The following B9D2 variants were observed in gnomAD, a reference collection of about 807,000 sequenced individuals.
The protein encoded by B9D2 is B9 domain containing 2, also known as B9 domain-containing protein 2.
B9D2 carries 21 observed loss-of-function variants against 19.2 expected under a neutral mutation model. That is an observed-to-expected ratio of 1.09 (90% CI 0.78 to 1.58). The LOEUF (loss-of-function observed/expected upper bound fraction) is 1.58, where lower values mean the gene tolerates loss of function less well. B9D2 is among the 40% of genes most tolerant of loss of function. The probability of loss-of-function intolerance (pLI) is 0.00; values close to 1 mark genes in which losing one functional copy is unlikely to be tolerated. For missense variants in B9D2, 221 were observed against 244.3 expected, an observed-to-expected ratio of 0.90 and a Z score of 0.64; for synonymous variants, 91 against 100.6, an observed-to-expected ratio of 0.90 and a Z score of 0.57.
At chr19:41,361,967 C>G (rs2038409868) in intron 2 of B9D2, among the ~76,000 whole-genome samples, 1 of 71,620 alleles carries the variant, frequency 1.4e-5, no homozygotes, top group Non-Finnish European at 3.0e-5. Flanking sequence ...GTAGTCCCAG[C>G]CACTCGGGAG....
rs2038276543 is a variant in B9D2 at position 41,354,695 on chromosome 19, G to A, written c.*5C>T. 1.9e-6 allele frequency: 3 copies of A among 1,613,880 alleles called. No homozygotes were observed. The highest frequency in any genetic ancestry group is 1.1e-5 in the South Asian group (1 of 91,092). ...GGATGGTGGTGACGTTGGAGGCAGA[G>A]TCCCTCAGCACTCCACGCCGTAGCG... On this transcript the variant is annotated 3_prime_UTR_variant, in exon 4 of 4. Transcript: ENST00000243578.
chr19:41,361,732 G>A (rs367961739), intron 2 of B9D2, among the ~76,000 whole-genome samples: 1,130 of 67,134 alleles, frequency 0.017, 77 homozygotes, highest in African/African-American at 0.067. Flanking sequence ...AGATTGCAGT[G>A]AGCCGAGATC....
chr19:41,356,309 G>T (rs747850284), intron 3 of B9D2, among the ~76,000 whole-genome samples: 7 of 152,120 alleles, frequency 4.6e-5, no homozygotes, highest in Admixed American at 6.6e-5. Context: ...ACAGATCAAG[G>T]TGCTGGGCGA....
At chr19:41,357,852 G>A in intron 3 of B9D2, 45 bp downstream of exon 3, 15 of 1,611,774 alleles carry the variant, frequency 9.3e-6, no homozygotes, top group Non-Finnish European at 1.3e-5. Flanking sequence ...GAGGCTACTG[G>A]CCCCCTCCCC....
intron 2 of B9D2, 65 bp from the exon 3 acceptor site, chr19:41,358,087 C>T: frequency 6.2e-7 from 1 of 1,603,016 alleles, no homozygotes; most frequent in South Asian, 1.1e-5. Context: ...GCCGCTGTGG[C>T]TATAGGACTG....
At chr19:41,359,438 C>T (rs1466386692) in intron 2 of B9D2, among the ~76,000 whole-genome samples, 2 of 152,020 alleles carry the variant, frequency 1.3e-5, no homozygotes, top group African/African-American at 4.8e-5. Flanking sequence ...CAAAATTAGC[C>T]ACGTCTGTAA....
chr19:41,356,015 C>A (rs908507956), intron 3 of B9D2, among the ~76,000 whole-genome samples: 1 of 151,964 alleles, frequency 6.6e-6, no homozygotes, highest in African/African-American at 2.4e-5. Flanking sequence ...GGAGCCCAGA[C>A]GGAGTGTGCC....
At chr19:41,356,659 C>T (rs2038318371) in intron 3 of B9D2, among the ~76,000 whole-genome samples, 1 of 151,696 alleles carries the variant, frequency 6.6e-6, no homozygotes, top group Non-Finnish European at 1.5e-5. Flanking sequence ...GCCTGACCAC[C>T]TTGGTGAAAC....
intron 2 of B9D2, among the ~76,000 whole-genome samples, chr19:41,359,309 G>C (rs1462972413): frequency 6.6e-6 from 1 of 152,054 alleles, no homozygotes; most frequent in African/African-American, 2.4e-5. Context: ...GCTCACATCT[G>C]TAATCCTAGC....
At chr19:41,359,272 A>G (rs1204535038) in intron 2 of B9D2, among the ~76,000 whole-genome samples, 1 of 152,038 alleles carries the variant, frequency 6.6e-6, no homozygotes, top group Non-Finnish European at 1.5e-5. Flanking sequence ...CTCTACTAAA[A>G]ATACAAAAAT....
intron 2 of B9D2, among the ~76,000 whole-genome samples, chr19:41,360,471 C>T (rs374455530): frequency 6.6e-6 from 1 of 152,000 alleles, no homozygotes; most frequent in Admixed American, 6.6e-5. Context: ...GTCACCACAC[C>T]CAACTGCACT....
intron 2 of B9D2, among the ~76,000 whole-genome samples, 199 bp downstream of exon 2, chr19:41,363,233 A>G (rs1452916414): frequency 6.6e-6 from 1 of 152,036 alleles, no homozygotes; most frequent in East Asian, 1.9e-4. Context: ...GCGCAGAGAG[A>G]GACCCTGTCT....
intron 2 of B9D2, among the ~76,000 whole-genome samples, chr19:41,359,458 T>C (rs1394264958): frequency 1.3e-5 from 2 of 152,104 alleles, no homozygotes; most frequent in African/African-American, 4.8e-5. Flanking sequence ...ATCCCAGCAC[T>C]TTGGGAGACT....
chr19:41,363,832 A>T (rs969970450), intron 1 of B9D2, 126 bp downstream of exon 1: 4 of 536,336 alleles, frequency 7.5e-6, no homozygotes, highest in African/African-American at 5.7e-5. Context: ...AGCGCAAAAG[A>T]CCCGCCTTCC....
intron 2 of B9D2, 88 bp from the exon 3 acceptor site, chr19:41,358,110 A>G: frequency 1.3e-6 from 2 of 1,568,724 alleles, no homozygotes; most frequent in Middle Eastern, 1.7e-4. Context: ...TCTCTGTGGC[A>G]TCTACTGGTA....
chr19:41,360,168 CCTTT>C (rs2038381028), intron 2 of B9D2, among the ~76,000 whole-genome samples: 1 of 151,852 alleles, frequency 6.6e-6, no homozygotes. Context: ...TCACGGTGCT[CCTTT>C]CTTTTTTTGG....
At chr19:41,361,086 A>G (rs1391181867) in intron 2 of B9D2, 1 of 152,228 alleles carries the variant, frequency 6.6e-6, no homozygotes, top group Non-Finnish European at 1.5e-5. Flanking sequence ...AGCAGTGACT[A>G]TAGCAGACCA....
At chr19:41,362,105 CA>C (rs2038414541) in intron 2 of B9D2, among the ~76,000 whole-genome samples, 1 of 145,866 alleles carries the variant, frequency 6.9e-6, no homozygotes. Context: ...AAAAAAGGGC[CA>C]GGCGCAGTGG....
intron 2 of B9D2, among the ~76,000 whole-genome samples, chr19:41,362,648 A>T (rs903355456): frequency 6.6e-6 from 1 of 152,210 alleles, no homozygotes; most frequent in Non-Finnish European, 1.5e-5. Flanking sequence ...CTCATTGTAC[A>T]AACAAGGAAG....
Sources: allele counts gnomAD v4.1 joint callset (sites outside exome capture counted in the v4.1 genomes callset), GRCh38; gene constraint gnomAD v4.1.1; transcripts MANE v1.5; gene names NCBI Gene and HGNC (gene_info 2026-07-23, HGNC 2026-07-21).